EEF1AKMT1: variants seen among roughly 807,000 people sequenced by gnomAD.
The protein encoded by EEF1AKMT1 is N-6 adenine-specific DNA methyltransferase 2 (putative).
Under a neutral mutation model 21.0 loss-of-function variants are expected in EEF1AKMT1, and 18 were observed. The ratio of observed to expected loss-of-function variants is 0.86; its 90% CI spans 0.59 to 1.27. The LOEUF (loss-of-function observed/expected upper bound fraction) is 1.27. EEF1AKMT1 is among the 50% of genes most tolerant of loss of function. The pLI, the probability that EEF1AKMT1 is intolerant of heterozygous loss-of-function variation, is 0.00. For missense variants in EEF1AKMT1, 246 were observed against 258.6 expected (o/e 0.95, Z 0.33); for synonymous variants, 109 against 94.8 (o/e 1.15, Z -0.87).
At chr13:20,734,036 C>A (rs150363129) in intron 3 of EEF1AKMT1, among the ~76,000 whole-genome samples, 2 of 152,286 alleles carry the variant, frequency 1.3e-5, no homozygotes, top group East Asian at 3.9e-4. Flanking sequence ...ACTCTCCCTG[C>A]ACAGCAGCTC....
intron 2 of EEF1AKMT1, among the ~76,000 whole-genome samples, chr13:20,738,584 CAA>C (rs1312169272): frequency 6.6e-6 from 1 of 152,176 alleles, no homozygotes; most frequent in Non-Finnish European, 1.5e-5. Flanking sequence ...GGAAACAACT[CAA>C]GTGCCCATCA....
intron 2 of EEF1AKMT1, among the ~76,000 whole-genome samples, chr13:20,738,587 G>A (rs2058841713): frequency 6.6e-6 from 1 of 152,126 alleles, no homozygotes; most frequent in Non-Finnish European, 1.5e-5. Context: ...AACAACTCAA[G>A]TGCCCATCAA....
chr13:20,729,487 TACAC>T (rs71198993), intron 4 of EEF1AKMT1, among the ~76,000 whole-genome samples: 20,977 of 150,622 alleles, frequency 0.14, 1,570 homozygotes, highest in African/African-American at 0.17. Flanking sequence ...AAGCAGATTA[TACAC>T]ACACACACAC....
chr13:20,745,303 C>A (rs1293894213), intron 2 of EEF1AKMT1, among the ~76,000 whole-genome samples: 1 of 152,146 alleles, frequency 6.6e-6, no homozygotes, highest in African/African-American at 2.4e-5. Context: ...ATTGATTCTT[C>A]CTATCCAAGG....
chr13:20,762,343 C>G (rs564995395), intron 1 of EEF1AKMT1, among the ~76,000 whole-genome samples: 2 of 151,770 alleles, frequency 1.3e-5, no homozygotes, highest in Admixed American at 6.6e-5. Flanking sequence ...CCTGCCACCA[C>G]GCCCAGCTAA....
At chr13:20,744,360 T>A (rs182113131) in intron 2 of EEF1AKMT1, among the ~76,000 whole-genome samples, 1 of 152,344 alleles carries the variant, frequency 6.6e-6, no homozygotes, top group Non-Finnish European at 1.5e-5. Flanking sequence ...TCCTGACTTT[T>A]TAATAATCAC....
intron 2 of EEF1AKMT1, among the ~76,000 whole-genome samples, chr13:20,755,288 C>T (rs2058965940): frequency 6.6e-6 from 1 of 152,176 alleles, no homozygotes; most frequent in Non-Finnish European, 1.5e-5. Flanking sequence ...GCAGGGGCTG[C>T]TGGGTGTCAT....
intron 1 of EEF1AKMT1, among the ~76,000 whole-genome samples, chr13:20,771,979 C>G (rs1414701641): frequency 6.6e-6 from 1 of 151,376 alleles, no homozygotes; most frequent in Non-Finnish European, 1.5e-5. Flanking sequence ...CCATTGCACT[C>G]CAGCCTGAAT....
rs1376270964 is a variant in EEF1AKMT1, at chr13:20,760,092, G to A, written c.-19-2475C>T. On this transcript the variant is annotated intron_variant, in intron 1 of 4. Transcript: ENST00000382758. ...TGCACCCCAGCCTGGGGAACAGAGC[G>A]AGACTCTGTCTCAAAAAAAAAAAAA... Among the ~76,000 whole-genome samples, 103 of 109,676 alleles carry A rather than the reference G, an allele frequency of 9.4e-4. 1 individual carries two copies. The highest frequency in any genetic ancestry group is 3.5e-3 in the African/African-American group (101 of 28,790). 72.0% of individuals were successfully genotyped at this position (109,676 alleles called of 152,430 possible).
At chr13:20,741,208 G>A (rs2058868672) in intron 2 of EEF1AKMT1, among the ~76,000 whole-genome samples, 1 of 151,498 alleles carries the variant, frequency 6.6e-6, no homozygotes, top group African/African-American at 2.4e-5. Context: ...AATTACTCAA[G>A]CAGAAATCGG....
At chr13:20,733,093 A>ATT (rs1566526991) in intron 3 of EEF1AKMT1, among the ~76,000 whole-genome samples, 2 of 101,302 alleles carry the variant, frequency 2.0e-5, no homozygotes. Flanking sequence ...ACTGTGATAC[A>ATT]CTTTTTTTTT....
At chr13:20,748,367 G>A (rs1029953579) in intron 2 of EEF1AKMT1, among the ~76,000 whole-genome samples, 46 of 151,786 alleles carry the variant, frequency 3.0e-4, no homozygotes, top group African/African-American at 1.1e-3. Context: ...CCCAGGAGGC[G>A]GAGCTTGCAG....
chr13:20,751,534 G>A (rs931574217), intron 2 of EEF1AKMT1, among the ~76,000 whole-genome samples: 3 of 152,138 alleles, frequency 2.0e-5, no homozygotes, highest in South Asian at 2.1e-4. Flanking sequence ...TTGTAATACC[G>A]ATACCATGCT....
chr13:20,765,063 C>T (rs1228020760), intron 1 of EEF1AKMT1, among the ~76,000 whole-genome samples: 1 of 151,922 alleles, frequency 6.6e-6, no homozygotes, highest in Non-Finnish European at 1.5e-5. Flanking sequence ...AGTTTGAGAC[C>T]AGCCTGGTCA....
chr13:20,768,290 C>T (rs1400416079), intron 1 of EEF1AKMT1, among the ~76,000 whole-genome samples: 2 of 152,184 alleles, frequency 1.3e-5, no homozygotes, highest in Admixed American at 1.3e-4. Flanking sequence ...TTTCAGGTCT[C>T]ATTTTTAAGA....
intron 1 of EEF1AKMT1, among the ~76,000 whole-genome samples, chr13:20,771,215 A>G (rs2059061492): frequency 6.6e-6 from 1 of 152,208 alleles, no homozygotes; most frequent in Admixed American, 6.5e-5. Flanking sequence ...GTCACTGAAG[A>G]AGGGCTTTTA....
chr13:20,773,315 C>G (rs2059071359), intron 1 of EEF1AKMT1, among the ~76,000 whole-genome samples: 1 of 152,160 alleles, frequency 6.6e-6, no homozygotes. Flanking sequence ...CGGTAGGGAC[C>G]CGCTATCGTC....
At chr13:20,754,942 G>A (rs1169914680) in intron 2 of EEF1AKMT1, among the ~76,000 whole-genome samples, 4 of 152,002 alleles carry the variant, frequency 2.6e-5, no homozygotes, top group African/African-American at 7.3e-5. Context: ...TTTCCTTTAC[G>A]TCATGTAGGG....
chr13:20,729,233 A>T lies in EEF1AKMT1; in HGVS notation c.509-17T>A. 1 of 1,614,080 alleles carries T rather than the reference A, an allele frequency of 6.2e-7. No individual in the cohort carries two copies. On this transcript the variant is annotated splice_polypyrimidine_tract_variant and intron_variant, in intron 4 of 4. Coordinates refer to ENST00000382758, the MANE Select transcript of EEF1AKMT1 (RefSeq NM_001318939.2). ...TGATGGCACCTGAAGAGAACAAAGC[A>T]AATGAATCCAGAGAGTGACAACCCA... is the stretch of plus-strand genomic sequence containing the variant.
Sources: allele counts gnomAD v4.1 joint callset (sites outside exome capture counted in the v4.1 genomes callset), GRCh38; gene constraint gnomAD v4.1.1; transcripts MANE v1.5; gene names NCBI Gene and HGNC (gene_info 2026-07-23, HGNC 2026-07-21).